Variants in FANCC observed in about 807,000 individuals in gnomAD.
FANCC encodes the protein Fanconi anemia group C protein.
FANCC carries 55 observed loss-of-function variants against 71.3 expected under a neutral mutation model. The ratio of observed to expected loss-of-function variants is 0.77; its 90% confidence interval spans 0.62 to 0.97. The LOEUF (loss-of-function observed/expected upper bound fraction) is 0.97, where lower values mean the gene tolerates loss of function less well. Among genes scored for constraint, FANCC ranks in the 50% least tolerant of loss-of-function variants. The pLI is 0.00. For synonymous variants in FANCC, 275 were observed against 244.9 expected, an observed-to-expected ratio of 1.12 and a Z score of -1.15; for missense variants, 678 against 670.9, an observed-to-expected ratio of 1.01 and a Z score of -0.12.
intron 4 of FANCC, among the ~76,000 whole-genome samples, chr9:95,221,846 AC>A (rs1056611032): frequency 2.4e-4 from 36 of 152,174 alleles, no homozygotes; most frequent in African/African-American, 8.2e-4. Context: ...TAAGATAAAA[AC>A]AGACTGATAA....
chr9:95,239,285 G>A (rs1387377848), intron 4 of FANCC, among the ~76,000 whole-genome samples: 2 of 152,108 alleles, frequency 1.3e-5, no homozygotes, highest in Admixed American at 6.6e-5. Context: ...GGAATTCCCC[G>A]AAGGCACAGA....
In FANCC at chr9:95,287,424, T is replaced by C. The variant is rs759225773; in HGVS notation, c.-79+30102A>G. ...GGTTAATTCCTCCCTCAAGTCTCTC[T>C]ATCCAACATCATCCATATCAGCAGT... is the stretch of plus-strand genomic sequence containing the variant. On this transcript the variant is annotated intron_variant, in intron 1 of 14. Coordinates refer to ENST00000289081, the MANE Select transcript of FANCC (RefSeq NM_000136.3). Among the ~76,000 whole-genome samples, 10 of 152,342 alleles carry C rather than the reference T, an allele frequency of 6.6e-5. No individual in the cohort carries two copies. In the East Asian group the frequency reaches 9.6e-4, roughly 15 times the overall value.
chr9:95,107,017 G>T, intron 14 of FANCC, 49 bp downstream of exon 14: 1 of 1,592,644 alleles, frequency 6.3e-7, no homozygotes, highest in Non-Finnish European at 8.6e-7. Flanking sequence ...CCCACCTCTC[G>T]CCTGGAGCAG....
chr9:95,274,095 T>TAC (rs1489215975), intron 1 of FANCC, among the ~76,000 whole-genome samples: 1 of 152,196 alleles, frequency 6.6e-6, no homozygotes, highest in Non-Finnish European at 1.5e-5. Flanking sequence ...TACACAGGTA[T>TAC]ACACACGCCA....
chr9:95,140,156 A>C (rs1175405573), intron 7 of FANCC, among the ~76,000 whole-genome samples: 4 of 152,096 alleles, frequency 2.6e-5, no homozygotes, highest in African/African-American at 9.7e-5. Context: ...TTTAGAATTT[A>C]TGTGTAATAC....
chr9:95,235,408 GA>G (rs1335404642), intron 4 of FANCC, among the ~76,000 whole-genome samples: 3 of 152,220 alleles, frequency 2.0e-5, no homozygotes, highest in Non-Finnish European at 2.9e-5. Flanking sequence ...GAAATAAGAT[GA>G]AAATGGACTA....
chr9:95,125,741 A>G (rs1178867952), intron 9 of FANCC, among the ~76,000 whole-genome samples: 1 of 152,226 alleles, frequency 6.6e-6, no homozygotes, highest in Non-Finnish European at 1.5e-5. Flanking sequence ...TTATTGTCAC[A>G]GTAAAAATTC....
At chr9:95,134,635 G>A (rs1827388455) in intron 8 of FANCC, among the ~76,000 whole-genome samples, 1 of 152,254 alleles carries the variant, frequency 6.6e-6, no homozygotes, top group Admixed American at 6.5e-5. Flanking sequence ...CATTTTTTCA[G>A]GGTGCCTTGG....
chr9:95,217,437 T>C (rs1192602658), intron 4 of FANCC, among the ~76,000 whole-genome samples: 8 of 152,030 alleles, frequency 5.3e-5, no homozygotes, highest in South Asian at 4.2e-4. Flanking sequence ...GTGAGCCAGA[T>C]TGTGCCACTG....
At chr9:95,291,739 G>C (rs575266280) in intron 1 of FANCC, among the ~76,000 whole-genome samples, 2 of 151,782 alleles carry the variant, frequency 1.3e-5, no homozygotes, top group African/African-American at 4.8e-5. Flanking sequence ...CCTGAGGTCA[G>C]GAGTGCGAGA....
At chr9:95,311,233 C>CAAAAA (rs10710492) in intron 1 of FANCC, among the ~76,000 whole-genome samples, 1 of 76,020 alleles carries the variant, frequency 1.3e-5, no homozygotes, top group Non-Finnish European at 2.5e-5. Flanking sequence ...GATTCCGTCT[C>CAAAAA]AAAAAAAAAA....
chr9:95,142,608 C>T (rs1828931192), intron 7 of FANCC: 1 of 148,366 alleles, frequency 6.7e-6, no homozygotes, highest in African/African-American at 2.5e-5. Context: ...AGTCATTCAA[C>T]CCATTTAAAT....
chr9:95,129,708 A>G (rs1162495069), intron 8 of FANCC, among the ~76,000 whole-genome samples: 3 of 152,150 alleles, frequency 2.0e-5, no homozygotes, highest in Non-Finnish European at 4.4e-5. Context: ...CAGGCAGATC[A>G]TTTCAACTCG....
In FANCC at chr9:95,235,151, C is replaced by A. The variant is rs181937732; in HGVS notation, c.345+5498G>T. Among the ~76,000 whole-genome samples, 14 of 148,056 alleles carry A rather than the reference C, an allele frequency of 9.5e-5. No individual in the cohort carries two copies. The East Asian group carries it at 2.0e-3, about 21-fold the overall frequency. ...ACCAATGGAGAGATGCAGGATCACA[C>A]CTGTGCACCCAAAGGCACCTGATGC... On this transcript the variant is annotated intron_variant, in intron 4 of 14. Transcript: ENST00000289081.
chr9:95,138,223 G>A (rs546761675), intron 7 of FANCC, among the ~76,000 whole-genome samples: 108 of 152,368 alleles, frequency 7.1e-4, no homozygotes, highest in African/African-American at 2.5e-3. Flanking sequence ...GCTGAGGTTG[G>A]AGTGAGTACA....
chr9:95,239,104 T>C (rs1830492253), intron 4 of FANCC, among the ~76,000 whole-genome samples: 1 of 152,146 alleles, frequency 6.6e-6, no homozygotes, highest in Admixed American at 6.5e-5. Flanking sequence ...AACTCTATCC[T>C]TGCTCTCCTA....
At chr9:95,107,721 G>A (rs2071565248) in intron 13 of FANCC, among the ~76,000 whole-genome samples, 1 of 152,142 alleles carries the variant, frequency 6.6e-6, no homozygotes, top group South Asian at 2.1e-4. Flanking sequence ...TTGGGGGTCA[G>A]GGCGGGGGGT....
chr9:95,177,798 A>C (rs4647492), intron 4 of FANCC, among the ~76,000 whole-genome samples: 3,432 of 152,266 alleles, frequency 0.023, 134 homozygotes, highest in African/African-American at 0.078. Flanking sequence ...CTGGCTGCCA[A>C]GCATGCATGT....
At chr9:95,110,821 T>C in intron 13 of FANCC, 6 of 1,149,652 alleles carry the variant, frequency 5.2e-6, no homozygotes, top group Non-Finnish European at 5.4e-6. Flanking sequence ...ATCAAAGCAT[T>C]GCTTCCTGTA....
Sources: allele counts gnomAD v4.1 joint callset (sites outside exome capture counted in the v4.1 genomes callset), GRCh38; gene constraint gnomAD v4.1.1; transcripts MANE v1.5; gene names NCBI Gene and HGNC (gene_info 2026-07-23, HGNC 2026-07-21).